The following PSMB1 variants were observed in gnomAD, a reference collection of about 807,000 sequenced individuals.
PSMB1 encodes the protein proteasome 20S subunit beta 1.
A neutral mutation model predicts 25.4 loss-of-function variants in PSMB1; 7 were observed. The ratio of observed to expected loss-of-function variants is 0.28; its 90% CI spans 0.16 to 0.52. PSMB1 has a LOEUF of 0.52. PSMB1 is among the 20% of genes least tolerant of loss of function. The probability of loss-of-function intolerance (pLI) is 0.97; values close to 1 mark genes in which losing one functional copy is unlikely to be tolerated. For synonymous variants in PSMB1, 119 were observed against 115.0 expected (o/e 1.03, Z -0.22); for missense variants, 284 against 302.2 (o/e 0.94, Z 0.45).
At chr6:170,542,527 A>G (rs1244337921) in intron 4 of PSMB1, among the ~76,000 whole-genome samples, 2 of 152,168 alleles carry the variant, frequency 1.3e-5, no homozygotes, top group Non-Finnish European at 2.9e-5. Flanking sequence ...ATTGCTTGAA[A>G]CACTGAGAAA....
chr6:170,548,995 T>C lies in PSMB1; in HGVS notation c.221+11A>G. On this transcript the variant is annotated intron_variant, in intron 2 of 5. Coordinates refer to ENST00000262193, the MANE Select transcript of PSMB1 (RefSeq NM_002793.4). ...AGGCATTGTGAAATGTCTTTAGAAA[T>C]ATTTACTTACAATTTGTAACATTTG... is the stretch of plus-strand genomic sequence containing the variant. 6.5e-7 allele frequency: 1 copy of C among 1,550,248 alleles called. No homozygotes were observed. The highest frequency in any genetic ancestry group is 8.9e-7 in the Non-Finnish European group (1 of 1,122,192).
At chr6:170,535,558 C>T (rs1359355911) in intron 5 of PSMB1, among the ~76,000 whole-genome samples, 153 bp from the exon 6 acceptor site, 2 of 152,212 alleles carry the variant, frequency 1.3e-5, no homozygotes, top group East Asian at 1.9e-4. Flanking sequence ...AAGACCCTTC[C>T]AGACCTGGAT....
intron 2 of PSMB1, among the ~76,000 whole-genome samples, chr6:170,548,132 C>T (rs974501251): frequency 3.3e-5 from 5 of 152,204 alleles, no homozygotes; most frequent in East Asian, 3.9e-4. Flanking sequence ...ACTGGGAAGA[C>T]GAAAACAAAC....
At chr6:170,543,253 G>T (rs1177939405) in intron 4 of PSMB1, among the ~76,000 whole-genome samples, 1 of 152,118 alleles carries the variant, frequency 6.6e-6, no homozygotes, top group Non-Finnish European at 1.5e-5. Flanking sequence ...TTTTTGAAGT[G>T]TATTTGTTAA....
At chr6:170,553,053 C>CG in intron 1 of PSMB1, 77 bp downstream of exon 1, 1 of 1,296,528 alleles carries the variant, frequency 7.7e-7, no homozygotes, top group Non-Finnish European at 1.1e-6. Flanking sequence ...AGCGCCATCA[C>CG]GGCGGTGACT....
At chr6:170,536,222 T>C in intron 5 of PSMB1, 3 of 343,962 alleles carry the variant, frequency 8.7e-6, no homozygotes, top group Non-Finnish European at 1.7e-5. Flanking sequence ...AGCCTAAAAA[T>C]ACCTTAAAAA....
chr6:170,541,031 A>T lies in PSMB1; in HGVS notation c.433+2570T>A, dbSNP rs553813237. On this transcript the variant is annotated intron_variant, in intron 4 of 5. Coordinates refer to ENST00000262193, the MANE Select transcript of PSMB1 (RefSeq NM_002793.4). ...TATACAATTTCAGAACACCAGGGTA[A>T]AGAAAAGATCCTAAAAGCAAAGTCT... 4.9e-4 allele frequency among the ~76,000 whole-genome samples: 74 copies of T among 152,320 alleles called. 1 individual carries two copies. The South Asian group carries it at 8.3e-3, about 17-fold the overall frequency.
intron 1 of PSMB1, among the ~76,000 whole-genome samples, chr6:170,550,955 G>A (rs1441878578): frequency 6.7e-6 from 1 of 150,194 alleles, no homozygotes; most frequent in African/African-American, 2.5e-5. Context: ...AGACCAGCCT[G>A]GCCAACATGG....
At chr6:170,549,134 T>A in intron 1 of PSMB1, 21 bp from the exon 2 acceptor site, 1 of 1,454,200 alleles carries the variant, frequency 6.9e-7, no homozygotes, top group Non-Finnish European at 9.6e-7. Flanking sequence ...AAGAAAAAAA[T>A]TAATTCTCCA....
rs76767618 is a variant in PSMB1 at position 170,539,567 on chromosome 6, TA to T, written c.434-2228del. ...CAAGAATATATATAAATGAAAATAATAAACTGTTCAATAGGCAAAAAGATGT... is the reference window on the plus strand; with the variant it reads ...CAAGAATATATATAAATGAAAATAATAACTGTTCAATAGGCAAAAAGATGT... On this transcript the variant is annotated intron_variant, in intron 4 of 5. Coordinates refer to ENST00000262193, the MANE Select transcript of PSMB1 (RefSeq NM_002793.4). Among the ~76,000 whole-genome samples, 5 of 152,226 alleles carry T rather than the reference TA, an allele frequency of 3.3e-5. No homozygotes were observed. In the East Asian group the frequency reaches 9.6e-4, roughly 29 times the overall value.
chr6:170,551,015 G>C (rs947121759), intron 1 of PSMB1, among the ~76,000 whole-genome samples: 1 of 151,674 alleles, frequency 6.6e-6, no homozygotes, highest in African/African-American at 2.4e-5. Flanking sequence ...CGTGGTGGCA[G>C]GCACCTGTAA....
intron 3 of PSMB1, among the ~76,000 whole-genome samples, chr6:170,545,111 T>C (rs970192823): frequency 1.6e-4 from 24 of 148,550 alleles, no homozygotes; most frequent in African/African-American, 5.8e-4. Context: ...GCCATTGCAC[T>C]CCAGCCTGGG....
intron 2 of PSMB1, 110 bp from the exon 3 acceptor site, chr6:170,546,294 T>C: frequency 4.8e-6 from 4 of 833,666 alleles, no homozygotes; most frequent in Non-Finnish European, 7.8e-6. Flanking sequence ...TAAATGGTAA[T>C]GGGACAAACA....
At chr6:170,547,919 C>T (rs1038717584) in intron 2 of PSMB1, among the ~76,000 whole-genome samples, 1 of 146,306 alleles carries the variant, frequency 6.8e-6, no homozygotes. Context: ...CACCAGCAAA[C>T]GTAACTAAAG....
At chr6:170,535,493 C>A in intron 5 of PSMB1, 88 bp from the exon 6 acceptor site, 1 of 1,142,272 alleles carries the variant, frequency 8.8e-7, no homozygotes, top group Admixed American at 2.4e-5. Context: ...CTCATGTGTA[C>A]GAGGATTTGT....
intron 3 of PSMB1, among the ~76,000 whole-genome samples, chr6:170,543,933 T>G (rs1236709978): frequency 6.6e-6 from 1 of 152,168 alleles, no homozygotes; most frequent in Non-Finnish European, 1.5e-5. Flanking sequence ...AGCTCTCTGG[T>G]TTAGACTCTA....
rs1778705895 is a variant in PSMB1, at chr6:170,537,220, C to T, written c.540+14G>A. The T allele has an allele frequency of 6.3e-7, 1 of 1,598,230 alleles. No homozygotes were observed. The highest frequency in any genetic ancestry group is 8.6e-7 in the Non-Finnish European group (1 of 1,166,032). ...GTTGGACATAGTATCATTACCTGGA[C>T]ACAGTATCATTACCTGGTTGTCAAG... On this transcript the variant is annotated intron_variant, in intron 5 of 5. Coordinates refer to ENST00000262193, the MANE Select transcript of PSMB1 (RefSeq NM_002793.4).
intron 5 of PSMB1, chr6:170,536,297 T>C: frequency 2.3e-6 from 1 of 437,436 alleles, no homozygotes; most frequent in Non-Finnish European, 4.5e-6. Context: ...TATCATTTAC[T>C]ACCATAAAAT....
chr6:170,544,677 G>C (rs939967909), intron 3 of PSMB1, among the ~76,000 whole-genome samples: 1 of 152,236 alleles, frequency 6.6e-6, no homozygotes, highest in Non-Finnish European at 1.5e-5. Flanking sequence ...ACTCCAGCCT[G>C]TGCAACAAAG....
Sources: gnomAD v4.1 joint callset for allele counts (sites outside exome capture counted in the v4.1 genomes callset) on GRCh38, gnomAD v4.1.1 for gene constraint, MANE v1.5 for transcripts, NCBI Gene and HGNC (gene_info 2026-07-23, HGNC 2026-07-21) for gene names.